Variants in MOSPD2 observed in about 807,000 individuals in gnomAD.
MOSPD2 encodes motile sperm domain containing 2, also known as motile sperm domain-containing protein 2.
Under a neutral mutation model 41.7 loss-of-function variants are expected in MOSPD2, and 5 were observed. That is an observed-to-expected ratio of 0.12 (90% CI 0.06 to 0.25). MOSPD2 has a LOEUF of 0.25. MOSPD2 is among the 10% of genes least tolerant of loss of function. The pLI is 1.00. For missense variants in MOSPD2, 282 were observed against 375.2 expected, an observed-to-expected ratio of 0.75 and a Z score of 2.05; for synonymous variants, 115 against 126.9, an observed-to-expected ratio of 0.91 and a Z score of 0.63.
At chrX:14,876,361 T>C (rs1202985764) in intron 2 of MOSPD2, among the ~76,000 whole-genome samples, 1 of 112,147 alleles carries the variant, frequency 8.9e-6, no homozygotes, top group Non-Finnish European at 1.9e-5. Flanking sequence ...TTGATGTTTT[T>C]CCTAAAGGAA....
intron 8 of MOSPD2, among the ~76,000 whole-genome samples, chrX:14,910,843 A>G (rs919661743): frequency 9.0e-6 from 1 of 110,915 alleles, no homozygotes; most frequent in African/African-American, 3.3e-5. Context: ...AAACTTTCTT[A>G]TGATTCAAAA....
intron 13 of MOSPD2, 112 bp from the exon 14 acceptor site, chrX:14,918,568 G>A (rs1025176024): frequency 8.1e-6 from 4 of 491,540 alleles, no homozygotes; most frequent in African/African-American, 2.4e-5. Flanking sequence ...GAGGAATGAG[G>A]ACTTTTACCT....
At chrX:14,901,067 A>G (rs2092572296) in intron 6 of MOSPD2, among the ~76,000 whole-genome samples, 1 of 112,208 alleles carries the variant, frequency 8.9e-6, no homozygotes, top group South Asian at 3.6e-4. Flanking sequence ...ATATTGATAT[A>G]TAAAGTACAC....
At chrX:14,914,408 T>C (rs1421963635) in intron 10 of MOSPD2, 95 bp from the exon 11 acceptor site, 11 of 515,389 alleles carry the variant, frequency 2.1e-5, no homozygotes, top group Non-Finnish European at 3.6e-5. Flanking sequence ...CAAATGAGCA[T>C]AAGATATTAA....
intron 12 of MOSPD2, 46 bp from the exon 13 acceptor site, chrX:14,916,151 T>C (rs779267290): frequency 8.3e-7 from 1 of 1,209,786 alleles, no homozygotes; most frequent in Admixed American, 2.2e-5. Context: ...ATCCAACCGC[T>C]TTGAAGGTTC....
At chrX:14,885,434 A>G (rs1490145759) in intron 2 of MOSPD2, 3 of 112,327 alleles carry the variant, frequency 2.7e-5, no homozygotes, top group African/African-American at 6.5e-5. Context: ...AGGACATCAC[A>G]TTGGAAATTC....
rs1343605272 is a variant in MOSPD2 at position 14,908,950 on chromosome X, G to A, written c.668G>A (p.Ser223Asn). 7 of 1,176,069 alleles carry A rather than the reference G, an allele frequency of 6.0e-6. No individual in the cohort carries two copies. Among genetic ancestry groups the A allele is most frequent in the Non-Finnish European group, 8.0e-6 (7 of 872,298 alleles). Residue 223 changes from serine to asparagine, a missense_variant, in exon 8 of 15, where the codon AGT becomes AAT. By Grantham distance (46) the Ser-to-Asn change is conservative (BLOSUM62 1). This residue lies in a region of MOSPD2 where 187 missense variants were observed against 256.6 expected (regional missense o/e 0.73). Coordinates refer to ENST00000380492, the MANE Select transcript of MOSPD2 (RefSeq NM_152581.4). ...AAAAATGAAGTCCAGGACTATGTCAGTGTAGAATACCTGCCTCCCCACATG... is the reference window on the plus strand; with the variant it reads ...AAAAATGAAGTCCAGGACTATGTCAATGTAGAATACCTGCCTCCCCACATG... ...TSKNEVQDYV[S>N]VEYLPPHMGG...
chrX:14,881,799 A>G (rs778116379), intron 2 of MOSPD2, among the ~76,000 whole-genome samples: 49 of 112,394 alleles, frequency 4.4e-4, no homozygotes, highest in African/African-American at 1.5e-3. Flanking sequence ...TTATCAGATG[A>G]ATGGATAAAG....
chrX:14,897,298 G>T (rs1882911758), intron 5 of MOSPD2, 60 bp downstream of exon 5: 4 of 978,133 alleles, frequency 4.1e-6, no homozygotes, highest in Admixed American at 5.7e-5. Context: ...CCTTTCTCCT[G>T]TCCTTGCTGC....
intron 2 of MOSPD2, among the ~76,000 whole-genome samples, chrX:14,881,166 T>C (rs1255521598): frequency 9.0e-6 from 1 of 111,227 alleles, no homozygotes; most frequent in Non-Finnish European, 1.9e-5. Flanking sequence ...AAGTATAACC[T>C]TTAGATTTCT....
intron 7 of MOSPD2, among the ~76,000 whole-genome samples, chrX:14,908,266 T>G (rs1250235732): frequency 2.7e-5 from 3 of 111,472 alleles, no homozygotes; most frequent in Non-Finnish European, 5.7e-5. Context: ...TGAGACTCTG[T>G]CTCAAAAAAA....
Position 14,902,909 on chromosome X carries a change from G to A in MOSPD2, c.539-57G>A, listed in dbSNP as rs1397278225. 5 of 870,504 alleles carry A rather than the reference G, an allele frequency of 5.7e-6. No individual in the cohort carries two copies. In the African/African-American group the frequency reaches 1.0e-4, roughly 17 times the overall value. The allele number at this position is 870,504 out of a possible 1,213,427, so 71.7% of individuals were successfully genotyped here. On this transcript the variant is annotated intron_variant, in intron 6 of 14. Transcript: ENST00000380492. ...ACCAGTTTTTTCTAGGCTGGTATGA[G>A]TGATATTATTATAGAGGTACTGATT...
At chrX:14,919,177 G>T (rs183491421) in intron 14 of MOSPD2, among the ~76,000 whole-genome samples, 34 of 111,742 alleles carry the variant, frequency 3.0e-4, no homozygotes, top group Non-Finnish European at 5.8e-4. Context: ...CTGCACTCCA[G>T]CCTGGGCAAC....
chrX:14,890,370 G>C (rs970697116), intron 2 of MOSPD2, among the ~76,000 whole-genome samples: 4 of 111,379 alleles, frequency 3.6e-5, no homozygotes, highest in African/African-American at 1.3e-4. Flanking sequence ...TTAGTCACCT[G>C]TTTCATAGGC....
intron 2 of MOSPD2, 30 bp from the exon 3 acceptor site, chrX:14,892,693 C>G (rs780117258): frequency 8.8e-7 from 1 of 1,141,015 alleles, no homozygotes; most frequent in East Asian, 3.0e-5. Flanking sequence ...ATTAATCTGA[C>G]TTGGATGTTT....
At chrX:14,883,676 T>C (rs1167637345) in intron 2 of MOSPD2, among the ~76,000 whole-genome samples, 1 of 111,977 alleles carries the variant, frequency 8.9e-6, no homozygotes, top group African/African-American at 3.2e-5. Flanking sequence ...ACAGACTATT[T>C]TAAAGTTTTT....
At chrX:14,875,002 G>T (rs753718281) in intron 2 of MOSPD2, among the ~76,000 whole-genome samples, 5 of 111,816 alleles carry the variant, frequency 4.5e-5, no homozygotes, top group Non-Finnish European at 5.6e-5. Context: ...CTCAGAATTC[G>T]ACCTAATGAG....
intron 2 of MOSPD2, chrX:14,885,595 G>T (rs1252510318): frequency 2.7e-5 from 3 of 111,451 alleles, no homozygotes; most frequent in African/African-American, 9.8e-5. Context: ...GGATAACTTA[G>T]TTATGAACGT....
chrX:14,915,723 A>G lies in MOSPD2; in HGVS notation c.1145A>G (p.Asp382Gly), dbSNP rs1172864310. Reference protein sequence around the residue: ...YRVKPSNSSCDPGASVDIVVS... With the variant: ...YRVKPSNSSCGPGASVDIVVS... ...GTCAAGCCAAGCAATAGCAGCTGTGACCCGGGTGCATCAGTGGATATAGTT... is the reference window on the plus strand; with the variant it reads ...GTCAAGCCAAGCAATAGCAGCTGTGGCCCGGGTGCATCAGTGGATATAGTT... Residue 382 changes from aspartate (D) to glycine (G), a missense_variant, in exon 12 of 15, where the codon GAC (aspartate) becomes GGC (glycine). Coordinates refer to ENST00000380492, the MANE Select transcript of MOSPD2 (RefSeq NM_152581.4). 2 of 1,207,241 alleles carry G rather than the reference A, an allele frequency of 1.7e-6. No homozygotes were observed. The highest frequency in any genetic ancestry group is 2.2e-6 in the Non-Finnish European group (2 of 893,317).
Sources: allele counts gnomAD v4.1 joint callset (sites outside exome capture counted in the v4.1 genomes callset), GRCh38; gene constraint gnomAD v4.1.1; regional missense constraint gnomAD v4.1.1; transcripts MANE v1.5; gene names NCBI Gene and HGNC (gene_info 2026-07-23, HGNC 2026-07-21).